Variants in CAPN14 observed in about 807,000 individuals in gnomAD.
The protein encoded by CAPN14 is calpain 14.
A neutral mutation model predicts 101.3 loss-of-function variants in CAPN14; 94 were observed. The observed-to-expected ratio is 0.93, with a 90% confidence interval of 0.79 to 1.10. CAPN14 has a LOEUF of 1.10. Among genes scored for constraint, CAPN14 ranks in the 50% least tolerant of loss-of-function variants. The pLI is 0.00. For synonymous variants in CAPN14, 338 were observed against 317.9 expected (o/e 1.06, Z -0.67); for missense variants, 837 against 828.4 (o/e 1.01, Z -0.13).
intron 17 of CAPN14, 77 bp from the exon 18 acceptor site, chr2:31,178,656 A>G (rs1680434032): frequency 1.0e-6 from 1 of 958,770 alleles, no homozygotes; most frequent in South Asian, 1.8e-5. Flanking sequence ...GCCCTCCACA[A>G]AGTGATGTGC....
intron 18 of CAPN14, 121 bp downstream of exon 18, chr2:31,178,390 A>C: frequency 2.7e-6 from 2 of 741,340 alleles, no homozygotes; most frequent in Non-Finnish European, 4.6e-6. Context: ...AAGGGAGAAT[A>C]GAGAAGGTTT....
intron 9 of CAPN14, among the ~76,000 whole-genome samples, 192 bp from the exon 10 acceptor site, chr2:31,193,486 C>T (rs1558621098): frequency 6.6e-6 from 1 of 151,752 alleles, no homozygotes; most frequent in Non-Finnish European, 1.5e-5. Flanking sequence ...GAGGGTCCAT[C>T]GTGGGGGGCT....
chr2:31,228,064 A>T (rs1683078093), intron 1 of CAPN14, among the ~76,000 whole-genome samples: 1 of 152,196 alleles, frequency 6.6e-6, no homozygotes, highest in Non-Finnish European at 1.5e-5. Flanking sequence ...CGTGGTGAGG[A>T]GCAGGAAGCA....
At chr2:31,183,754 C>CCTTT (rs895511224) in intron 16 of CAPN14, among the ~76,000 whole-genome samples, 10 of 151,604 alleles carry the variant, frequency 6.6e-5, no homozygotes, top group African/African-American at 1.2e-4. Context: ...GTAAACTAGT[C>CCTTT]CTTTCTTTCT....
In CAPN14 at chr2:31,180,935, C is replaced by G; in HGVS notation, c.1710+1G>C. ...ATCCACCCACAAACCTGAAAGGATA[C>G]GTCCAGTAAGGCCAGGATCCCCTGG... On this transcript the variant is annotated splice_donor_variant, in intron 17 of 21. Transcript: ENST00000403897. LOFTEE classifies it high-confidence loss of function. The G allele has an allele frequency of 1.9e-6, 3 of 1,551,484 alleles. No individual in the cohort carries two copies. The highest frequency in any genetic ancestry group is 1.4e-5 in the African/African-American group (1 of 73,148).
chr2:31,181,088 C>A, intron 16 of CAPN14, 88 bp from the exon 17 acceptor site: 1 of 1,007,526 alleles, frequency 9.9e-7, no homozygotes, highest in African/African-American at 1.6e-5. Flanking sequence ...GCTGCATGGG[C>A]CAGCTGATGA....
At chr2:31,182,854 C>T (rs1390789961) in intron 16 of CAPN14, among the ~76,000 whole-genome samples, 2 of 151,642 alleles carry the variant, frequency 1.3e-5, no homozygotes, top group Non-Finnish European at 2.9e-5. Context: ...TCACATGGAA[C>T]CAAAAAAGAG....
chr2:31,183,714 T>C (rs1056617016), intron 16 of CAPN14, among the ~76,000 whole-genome samples: 2 of 152,034 alleles, frequency 1.3e-5, no homozygotes. Context: ...TGTGGAGAAA[T>C]AGGAACATTT....
intron 1 of CAPN14, among the ~76,000 whole-genome samples, chr2:31,205,986 T>A (rs971786929): frequency 6.6e-6 from 1 of 151,970 alleles, no homozygotes; most frequent in African/African-American, 2.4e-5. Flanking sequence ...GTCCTCCTTA[T>A]TCTTCCCTGC....
At chr2:31,217,211 TA>T (rs1228272357) in intron 1 of CAPN14, among the ~76,000 whole-genome samples, 3 of 152,122 alleles carry the variant, frequency 2.0e-5, no homozygotes, top group Non-Finnish European at 4.4e-5. Context: ...TCTTTTTTTT[TA>T]AATGAGGAGA....
At position 31,210,460 on chromosome 2, in the gene CAPN14, C is replaced by CATAAA. The variant is rs10550181; in HGVS notation, c.-52-4966_-52-4962dup. 4.5e-3 allele frequency among the ~76,000 whole-genome samples: 685 copies of CATAAA among 150,724 alleles called. 7 individuals are homozygous for CATAAA. Among genetic ancestry groups the CATAAA allele is most frequent in the African/African-American group, 0.013 (532 of 40,844 alleles). ...GTGTCTCCATCTCAAAAAAATAAAA[C>CATAAA]ATAAAATAAAATAAAATAAAATAAA... On this transcript the variant is annotated intron_variant, in intron 1 of 21. Coordinates refer to ENST00000403897, the MANE Select transcript of CAPN14 (RefSeq NM_001145122.2).
At chr2:31,191,264 ACATTCTCAT>A (rs1572404118) in intron 12 of CAPN14, 126 bp downstream of exon 12, 2 of 863,050 alleles carry the variant, frequency 2.3e-6, no homozygotes, top group East Asian at 5.3e-5. Context: ...CAGCGGGCAG[ACATTCTCAT>A]CATCTGGCAT....
chr2:31,222,287 G>T (rs562594918), upstream of CAPN14, among the ~76,000 whole-genome samples: 67 of 152,328 alleles, frequency 4.4e-4, no homozygotes, highest in South Asian at 0.014. Context: ...AGAGGAAGCA[G>T]CTCTGAAAAC....
At chr2:31,197,139 T>C (rs1681506113) in intron 8 of CAPN14, 110 bp downstream of exon 8, 2 of 707,588 alleles carry the variant, frequency 2.8e-6, no homozygotes, top group African/African-American at 1.8e-5. Context: ...AAAGGCTTCC[T>C]GATCCAGCCT....
chr2:31,214,280 G>C (rs13025450), intron 1 of CAPN14, among the ~76,000 whole-genome samples: 15,483 of 152,206 alleles, frequency 0.1, 975 homozygotes, highest in Non-Finnish European at 0.15. Flanking sequence ...GCTGAACTGA[G>C]ATAAAGGAAG....
At chr2:31,197,555 T>C (rs939468311) in intron 7 of CAPN14, among the ~76,000 whole-genome samples, 2 of 152,310 alleles carry the variant, frequency 1.3e-5, no homozygotes, top group African/African-American at 4.8e-5. Context: ...ATCTGTGAAA[T>C]AAGGTCAATA....
chr2:31,220,608 A>C (rs1331387025), upstream of CAPN14, among the ~76,000 whole-genome samples: 2 of 152,148 alleles, frequency 1.3e-5, no homozygotes, highest in Non-Finnish European at 2.9e-5. Context: ...GCGGATCACG[A>C]GGTCAGGAGA....
chr2:31,179,222 G>T (rs1418510605), intron 17 of CAPN14, among the ~76,000 whole-genome samples: 2 of 151,160 alleles, frequency 1.3e-5, no homozygotes, highest in Non-Finnish European at 2.9e-5. Flanking sequence ...CTTTCCCCCT[G>T]CCCCCCACCC....
chr2:31,220,097 G>C (rs1175390961), upstream of CAPN14, among the ~76,000 whole-genome samples: 4 of 152,130 alleles, frequency 2.6e-5, no homozygotes, highest in Non-Finnish European at 5.9e-5. Context: ...TAGCTTCCAA[G>C]TCCTTAACCT....
Sources: gnomAD v4.1 joint callset for allele counts (sites outside exome capture counted in the v4.1 genomes callset) on GRCh38, gnomAD v4.1.1 for gene constraint, MANE v1.5 for transcripts, NCBI Gene and HGNC (gene_info 2026-07-23, HGNC 2026-07-21) for gene names.